Variants in SEMA3A observed in about 807,000 individuals in gnomAD.
SEMA3A encodes semaphorin 3A.
SEMA3A carries 29 observed loss-of-function variants against 97.9 expected under a neutral mutation model. The ratio of observed to expected loss-of-function variants is 0.30; its 90% CI spans 0.22 to 0.40. The LOEUF is 0.40. Ranked by LOEUF, SEMA3A falls within the 10% of genes least tolerant of loss-of-function variation. SEMA3A has a pLI of 1.00. For synonymous variants in SEMA3A, 321 were observed against 323.7 expected (o/e 0.99, Z 0.09); for missense variants, 763 against 951.3 (o/e 0.80, Z 2.60).
At chr7:84,211,142 T>TA (rs1169376422) in intron 3 of SEMA3A, among the ~76,000 whole-genome samples, 1 of 152,218 alleles carries the variant, frequency 6.6e-6, no homozygotes, top group East Asian at 1.9e-4. Context: ...CTTTAGTTTT[T>TA]ATTCTTCAGT....
intron 1 of SEMA3A, among the ~76,000 whole-genome samples, chr7:84,446,908 G>T (rs920273081): frequency 6.6e-6 from 1 of 152,006 alleles, no homozygotes; most frequent in Non-Finnish European, 1.5e-5. Flanking sequence ...TAAGTGGGTG[G>T]GGCAGGAGCC....
At chr7:84,120,637 T>C (rs1289628700) in intron 3 of SEMA3A, among the ~76,000 whole-genome samples, 14 of 152,196 alleles carry the variant, frequency 9.2e-5, no homozygotes, top group Admixed American at 9.2e-4. Context: ...TCTGTACAAC[T>C]GAAGTGCCAT....
intron 3 of SEMA3A, among the ~76,000 whole-genome samples, chr7:84,223,827 T>C (rs1584142231): frequency 6.6e-6 from 1 of 151,862 alleles, no homozygotes; most frequent in African/African-American, 2.4e-5. Flanking sequence ...AAATCTTAAC[T>C]GAACCCAGTT....
intron 4 of SEMA3A, among the ~76,000 whole-genome samples, chr7:84,076,852 T>C (rs1278063369): frequency 6.6e-6 from 1 of 152,162 alleles, no homozygotes; most frequent in African/African-American, 2.4e-5. Flanking sequence ...TTAAGGGACC[T>C]GAATTTACCT....
intron 3 of SEMA3A, among the ~76,000 whole-genome samples, chr7:84,285,309 T>C (rs1800551153): frequency 6.6e-6 from 1 of 152,130 alleles, no homozygotes; most frequent in Non-Finnish European, 1.5e-5. Context: ...TTTTTGACTT[T>C]ATGCTCCACC....
chr7:84,340,950 A>C (rs1802152579), intron 2 of SEMA3A, among the ~76,000 whole-genome samples: 1 of 152,136 alleles, frequency 6.6e-6, no homozygotes, highest in African/African-American at 2.4e-5. Context: ...GATGCATAAA[A>C]ACAAAATAGT....
intron 3 of SEMA3A, among the ~76,000 whole-genome samples, chr7:84,216,537 T>A (rs1300734614): frequency 6.6e-6 from 1 of 152,156 alleles, no homozygotes; most frequent in African/African-American, 2.4e-5. Context: ...TTACTGATAT[T>A]TTTTAGATAG....
chr7:84,117,817 T>C, intron 3 of SEMA3A, among the ~76,000 whole-genome samples: 1 of 152,222 alleles, frequency 6.6e-6, no homozygotes, highest in African/African-American at 2.4e-5. Context: ...TTCCATTTGC[T>C]GTGTGACTAT....
rs540919542 is a variant in SEMA3A at position 84,049,720 on chromosome 7, A to T, written c.548-3277T>A. On this transcript the variant is annotated intron_variant, in intron 5 of 16. Coordinates refer to ENST00000265362, the MANE Select transcript of SEMA3A (RefSeq NM_006080.3). ...GATTCTTTTTTTTTTCATTTTTTAA[A>T]ATTATTATTATACTTTAAGTTTTAG... 1.1e-4 allele frequency among the ~76,000 whole-genome samples: 17 copies of T among 151,634 alleles called. No individual in the cohort carries two copies. The South Asian group carries it at 2.5e-3, about 22-fold the overall frequency.
chr7:84,117,985 G>A (rs960285927), intron 3 of SEMA3A, among the ~76,000 whole-genome samples: 1 of 152,066 alleles, frequency 6.6e-6, no homozygotes, highest in Non-Finnish European at 1.5e-5. Flanking sequence ...ACTATTGTTT[G>A]GATATTTCTA....
In SEMA3A at chr7:84,283,765, C is replaced by A. The variant is rs17158806; in HGVS notation, c.-83+23442G>T. ...GTAAATGCTATATATGCCACTGATT[C>A]ACTGATCTTAGTTTAATTTTGCATA... On this transcript the variant is annotated intron_variant, in intron 3 of 3. Coordinates refer to the SEMA3A transcript ENST00000424555. Among the ~76,000 whole-genome samples the A allele has an allele frequency of 0.013, 1,940 of 152,166 alleles. 64 individuals carry two copies. In the East Asian group the frequency reaches 0.15, roughly 11 times the overall value.
At chr7:84,210,277 GA>G (rs1798595852) in intron 3 of SEMA3A, among the ~76,000 whole-genome samples, 1 of 152,106 alleles carries the variant, frequency 6.6e-6, no homozygotes, top group South Asian at 2.1e-4. Context: ...TAATTGCTCA[GA>G]TAACACAGAT....
In SEMA3A at chr7:84,466,232, G is replaced by A. The variant is rs939389374; in HGVS notation, c.-246+26228C>T. On this transcript the variant is annotated intron_variant, in intron 1 of 3. Coordinates refer to the SEMA3A transcript ENST00000424555. ...CTTGTCACCCAGGCTGGAGTGCAGC[G>A]GCGGATCTCAGCTCACTGCAACCTC... Among the ~76,000 whole-genome samples, 5 of 152,024 alleles carry A rather than the reference G, an allele frequency of 3.3e-5. No homozygotes were observed. In the East Asian group the frequency reaches 5.8e-4, roughly 18 times the overall value.
chr7:84,209,510 C>T (rs542744548), intron 3 of SEMA3A, among the ~76,000 whole-genome samples: 1 of 152,284 alleles, frequency 6.6e-6, no homozygotes, highest in East Asian at 1.9e-4. Flanking sequence ...CTTTTCTATA[C>T]ATGAATGAGA....
At chr7:84,062,525 G>A (rs141303483) in intron 4 of SEMA3A, among the ~76,000 whole-genome samples, 54 of 152,332 alleles carry the variant, frequency 3.5e-4, no homozygotes, top group Middle Eastern at 3.4e-3. Context: ...ACCTCACTAC[G>A]GAGTGCGAGA....
At chr7:84,428,187 TCATAGATAATAAAGCAACTTATTTTG>T (rs1002316264) in intron 1 of SEMA3A, among the ~76,000 whole-genome samples, 2 of 152,084 alleles carry the variant, frequency 1.3e-5, no homozygotes, top group Admixed American at 1.3e-4. Flanking sequence ...ATCTGTAAGC[TCATAGATAATAAAGCAACTTATTTTG>T]CATGGAAGTC....
intron 3 of SEMA3A, among the ~76,000 whole-genome samples, chr7:84,219,734 C>G (rs377521540): frequency 1.3e-5 from 2 of 152,200 alleles, no homozygotes; most frequent in East Asian, 1.9e-4. Context: ...GTTACCTTCA[C>G]TAATTATCTT....
chr7:84,004,553 C>CTAT (rs1192021302), intron 11 of SEMA3A, among the ~76,000 whole-genome samples: 3 of 151,766 alleles, frequency 2.0e-5, no homozygotes, highest in Non-Finnish European at 4.4e-5. Context: ...TATTCTGGAA[C>CTAT]TATTATTGAA....
At position 84,396,383 on chromosome 7, in the gene SEMA3A, T is replaced by C. The variant is rs183867754; in HGVS notation, c.-245-24483A>G. Among the ~76,000 whole-genome samples, 149 of 151,860 alleles carry C rather than the reference T, an allele frequency of 9.8e-4. 2 individuals are homozygous for C. The East Asian group carries it at 0.027, about 27-fold the overall frequency. On this transcript the variant is annotated intron_variant, in intron 1 of 3. Coordinates refer to the SEMA3A transcript ENST00000424555. ...TATAATAGTAACTATAGTCGTATAGTAATGTAAAAAGGTAATAAAGCCTCA... is the reference window on the plus strand; with the variant it reads ...TATAATAGTAACTATAGTCGTATAGCAATGTAAAAAGGTAATAAAGCCTCA...
Sources: allele counts gnomAD v4.1 joint callset (sites outside exome capture counted in the v4.1 genomes callset), GRCh38; gene constraint gnomAD v4.1.1; transcripts MANE v1.5; gene names NCBI Gene and HGNC (gene_info 2026-07-23, HGNC 2026-07-21).